The following WDR7 variants were observed in gnomAD, a reference collection of about 807,000 sequenced individuals.
The protein encoded by WDR7 is WD repeat domain 7.
A neutral mutation model predicts 169.4 loss-of-function variants in WDR7; 46 were observed. That is an observed-to-expected ratio of 0.27 (90% CI 0.21 to 0.35). WDR7 has a LOEUF of 0.35. Among genes scored for constraint, WDR7 ranks in the 10% least tolerant of loss-of-function variants. The pLI is 1.00. For synonymous variants in WDR7, 612 were observed against 666.8 expected, an observed-to-expected ratio of 0.92 and a Z score of 1.27; for missense variants, 1,534 against 1,859.3, an observed-to-expected ratio of 0.83 and a Z score of 3.22.
intron 20 of WDR7, among the ~76,000 whole-genome samples, chr18:56,831,402 C>G (rs546933833): frequency 1.3e-5 from 2 of 152,202 alleles, no homozygotes; most frequent in East Asian, 3.9e-4. Context: ...ACCACTCTGA[C>G]AATAGATGCT....
At chr18:56,961,453 A>G (rs754911767) in intron 25 of WDR7, among the ~76,000 whole-genome samples, 4 of 152,098 alleles carry the variant, frequency 2.6e-5, no homozygotes, top group Non-Finnish European at 5.9e-5. Flanking sequence ...ATCCTCCTAA[A>G]TATCTAGGGT....
intron 22 of WDR7, among the ~76,000 whole-genome samples, chr18:56,930,907 T>G (rs2046875158): frequency 6.6e-6 from 1 of 152,190 alleles, no homozygotes; most frequent in Non-Finnish European, 1.5e-5. Flanking sequence ...ATCATGACAT[T>G]TAACCAAAGT....
intron 21 of WDR7, among the ~76,000 whole-genome samples, chr18:56,895,921 A>G (rs1007227675): frequency 2.0e-5 from 3 of 151,832 alleles, no homozygotes; most frequent in African/African-American, 7.2e-5. Context: ...AAATTATTCT[A>G]AAATGAATAT....
Position 56,757,314 on chromosome 18 carries a change from A to G in WDR7, c.2721A>G (p.Ala907=), listed in dbSNP as rs764110331. 5.6e-6 allele frequency: 9 copies of G among 1,612,662 alleles called. No individual in the cohort carries two copies. Among genetic ancestry groups the G allele is most frequent in the Non-Finnish European group, 6.8e-6 (8 of 1,178,858 alleles). ...LANTLMSMTN[A]TFIGDHMKKG... ...ATACTTTAATGAGTATGACCAATGCAACTTTTATTGGTGATCATATGAAGA... is the reference window on the plus strand; with the variant it reads ...ATACTTTAATGAGTATGACCAATGCGACTTTTATTGGTGATCATATGAAGA... Residue 907 remains alanine, a synonymous_variant, in exon 15 of 28, where the codon GCA becomes GCG. Coordinates refer to ENST00000254442, the MANE Select transcript of WDR7 (RefSeq NM_015285.3).
At chr18:56,947,339 G>T (rs1191677692) in intron 25 of WDR7, among the ~76,000 whole-genome samples, 1 of 152,054 alleles carries the variant, frequency 6.6e-6, no homozygotes, top group Admixed American at 6.6e-5. Context: ...GCCTTCATAC[G>T]TCTCCTCGGT....
At chr18:56,728,443 C>G (rs1407966822) in intron 13 of WDR7, among the ~76,000 whole-genome samples, 1 of 152,084 alleles carries the variant, frequency 6.6e-6, no homozygotes, top group East Asian at 1.9e-4. Context: ...TCAGCATTGT[C>G]TTGCTTTACA....
At chr18:56,844,256 G>T (rs1031902831) in intron 20 of WDR7, among the ~76,000 whole-genome samples, 1 of 151,892 alleles carries the variant, frequency 6.6e-6, no homozygotes, top group South Asian at 2.1e-4. Context: ...TTTCCCTAAT[G>T]ATTAGTGATG....
Position 56,983,945 on chromosome 18 carries a change from A to G in WDR7, c.4164+21416A>G, listed in dbSNP as rs142964043. Among the ~76,000 whole-genome samples the G allele has an allele frequency of 8.1e-3, 1,230 of 152,220 alleles. 14 individuals are homozygous for G. The highest frequency in any genetic ancestry group is 0.028 in the African/African-American group (1,168 of 41,558). On this transcript the variant is annotated intron_variant, in intron 26 of 27. Coordinates refer to ENST00000254442, the MANE Select transcript of WDR7 (RefSeq NM_015285.3). The stretch of plus-strand genomic sequence containing the variant: ...TTTTTTCTTTTTTCATTTCTTTTAA[A>G]TATTGTAACAATAGAAACATATTAC...
At chr18:56,664,757 A>G (rs1442670575) in intron 1 of WDR7, among the ~76,000 whole-genome samples, 1 of 152,140 alleles carries the variant, frequency 6.6e-6, no homozygotes, top group Non-Finnish European at 1.5e-5. Flanking sequence ...AAGGTGCTAG[A>G]TTTATAGATT....
intron 26 of WDR7, among the ~76,000 whole-genome samples, chr18:57,014,443 G>T (rs2048179700): frequency 6.6e-6 from 1 of 151,892 alleles, no homozygotes; most frequent in Non-Finnish European, 1.5e-5. Context: ...GATCACCTGA[G>T]GTCAGGAGTT....
At chr18:56,815,140 T>G (rs2044943065) in intron 19 of WDR7, among the ~76,000 whole-genome samples, 1 of 152,232 alleles carries the variant, frequency 6.6e-6, no homozygotes, top group Non-Finnish European at 1.5e-5. Context: ...GTTTGGTCTT[T>G]AAAATATTTA....
At chr18:56,845,340 C>T (rs1396403326) in intron 20 of WDR7, among the ~76,000 whole-genome samples, 1 of 151,754 alleles carries the variant, frequency 6.6e-6, no homozygotes, top group Non-Finnish European at 1.5e-5. Context: ...TTTAATTTTT[C>T]TATAATATGT....
intron 19 of WDR7, among the ~76,000 whole-genome samples, chr18:56,789,697 T>C (rs2044455431): frequency 6.6e-6 from 1 of 152,234 alleles, no homozygotes; most frequent in South Asian, 2.1e-4. Context: ...TCTTTCTTCA[T>C]GTCCCCCTTT....
intron 14 of WDR7, among the ~76,000 whole-genome samples, chr18:56,751,328 G>A (rs4801053): frequency 0.28 from 43,057 of 152,026 alleles, 6,533 homozygotes; most frequent in Admixed American, 0.36. Flanking sequence ...AGCTTAAAGG[G>A]CTATCTTGAG....
chr18:56,806,859 GTTA>G (rs1210410964), intron 19 of WDR7, among the ~76,000 whole-genome samples: 2 of 152,064 alleles, frequency 1.3e-5, no homozygotes, highest in Admixed American at 6.6e-5. Flanking sequence ...CCATTGCACA[GTTA>G]TTATACCTAT....
chr18:56,953,673 C>T (rs912497574), intron 25 of WDR7, among the ~76,000 whole-genome samples: 3 of 152,138 alleles, frequency 2.0e-5, no homozygotes, highest in African/African-American at 7.2e-5. Flanking sequence ...GTCCAGGACA[C>T]ACAGAAGAGA....
chr18:56,715,235 G>T (rs1311277025), intron 12 of WDR7, among the ~76,000 whole-genome samples: 1 of 152,188 alleles, frequency 6.6e-6, no homozygotes, highest in Non-Finnish European at 1.5e-5. Flanking sequence ...GACAGAGAGA[G>T]AGAGTATGCG....
rs1173686214 is a variant in WDR7 at position 56,682,659 on chromosome 18, TCC to T, written c.346-19_346-18del. On this transcript the variant is annotated intron_variant, in intron 4 of 27. Transcript: ENST00000254442. Reference sequence around the variant, plus strand: ...AAGGAGAACACTCAGAAATCTTTTTTCCTTTTGGCATGAATGTAGTTCTACCA... The same window carrying T: ...AAGGAGAACACTCAGAAATCTTTTTTTTTTGGCATGAATGTAGTTCTACCA... 1.1e-5 allele frequency: 17 copies of T among 1,602,390 alleles called. No homozygotes were observed. The Admixed American group carries it at 1.1e-4, about 10-fold the overall frequency.
At chr18:56,668,582 A>G (rs758610395) in intron 1 of WDR7, among the ~76,000 whole-genome samples, 28 of 152,230 alleles carry the variant, frequency 1.8e-4, no homozygotes, top group Admixed American at 1.4e-3. Flanking sequence ...ATGAACTAGA[A>G]ACCTGAGAAA....
Sources: allele counts gnomAD v4.1 joint callset (sites outside exome capture counted in the v4.1 genomes callset), GRCh38; gene constraint gnomAD v4.1.1; transcripts MANE v1.5; gene names NCBI Gene and HGNC (gene_info 2026-07-23, HGNC 2026-07-21).